The following MMEL1 variants were observed in gnomAD, a reference collection of about 807,000 sequenced individuals.
MMEL1 encodes membrane metallo-endopeptidase-like 1.
MMEL1 carries 98 observed loss-of-function variants against 117.1 expected under a neutral mutation model. The observed-to-expected ratio is 0.84, with a 90% CI of 0.71 to 0.99. The LOEUF is 0.99. Among genes scored for constraint, MMEL1 ranks in the 50% least tolerant of loss-of-function variants. The probability of loss-of-function intolerance (pLI) is 0.00; values close to 1 mark genes in which losing one functional copy is unlikely to be tolerated. For synonymous variants in MMEL1, 390 were observed against 415.1 expected (o/e 0.94, Z 0.74); for missense variants, 1,014 against 1,049.1 (o/e 0.97, Z 0.46).
At chr1:2,600,908 G>A (rs372370976) in intron 11 of MMEL1, among the ~76,000 whole-genome samples, 2 of 152,218 alleles carry the variant, frequency 1.3e-5, no homozygotes, top group African/African-American at 4.8e-5. Flanking sequence ...AATAAAATAT[G>A]TATAAGAACT....
intron 2 of MMEL1, among the ~76,000 whole-genome samples, chr1:2,626,004 A>G (rs1043170307): frequency 6.6e-6 from 1 of 152,166 alleles, no homozygotes; most frequent in Non-Finnish European, 1.5e-5. Context: ...CCACAAGTGG[A>G]CAGCTGCAGC....
rs111970722 is a variant in MMEL1, at chr1:2,604,130, C to G, written c.951+17G>C. The G allele has an allele frequency of 1.5e-5, 23 of 1,508,146 alleles. 1 individual carries two copies. The highest frequency in any genetic ancestry group is 2.0e-5 in the Non-Finnish European group (22 of 1,092,012). The allele number at this position is 1,508,146 out of a possible 1,614,324, so 93.4% of individuals were successfully genotyped here. A position where few individuals can be genotyped will look rare whatever the true frequency, so the allele number is the denominator to read the frequency against. On this transcript the variant is annotated intron_variant, in intron 10 of 23. Coordinates refer to ENST00000378412, the MANE Select transcript of MMEL1 (RefSeq NM_033467.4). ...GCCCACTCGCTGCCCGCTCCCCACC[C>G]GCCCCGGCCCCCTTACCTTGGCCAG...
intron 9 of MMEL1, 54 bp from the exon 10 acceptor site, chr1:2,604,335 AG>A: frequency 6.3e-7 from 1 of 1,597,514 alleles, no homozygotes; most frequent in Non-Finnish European, 8.5e-7. Flanking sequence ...CATGGCCCCC[AG>A]GGAGTTTTCT....
In MMEL1 at chr1:2,595,483, T is replaced by TCACCACAGGACAGGGA; in HGVS notation, c.1501-125_1501-124insTCCCTGTCCTGTGGTG. ...CGGGGCATCCTGGCTGTGCTCTCCC[T>TCACCACAGGACAGGGA]GTCCTGTGGTGAGGGGCTGGGGGGC... On this transcript the variant is annotated intron_variant, in intron 15 of 23. Transcript: ENST00000378412. This position sits in a 1 kb window ranked among gnomAD's most constrained non-coding sequence, Gnocchi z 4.8. 1 of 773,732 alleles carries TCACCACAGGACAGGGA rather than the reference T, an allele frequency of 1.3e-6. No individual in the cohort carries two copies. Among genetic ancestry groups the TCACCACAGGACAGGGA allele is most frequent in the Non-Finnish European group, 2.2e-6 (1 of 453,448 alleles). 47.9% of individuals were successfully genotyped at this position (773,732 alleles called of 1,614,324 possible).
intron 2 of MMEL1, among the ~76,000 whole-genome samples, chr1:2,626,366 C>T (rs1007369203): frequency 2.6e-5 from 4 of 152,184 alleles, no homozygotes; most frequent in Non-Finnish European, 5.9e-5. Context: ...GTTCACAGAC[C>T]AGGTTTATAC....
In MMEL1 at chr1:2,629,468, C is replaced by G. The variant is rs370691154; in HGVS notation, c.17G>C (p.Gly6Ala). The G allele has an allele frequency of 4.0e-4, 604 of 1,522,642 alleles. 7 individuals carry two copies. The African/African-American group carries it at 7.0e-3, about 18-fold the overall frequency. The allele number at this position is 1,522,642 out of a possible 1,614,324, so 94.3% of individuals were successfully genotyped here. The change falls in exon 2 of 24, where the codon GGC becomes GCC. Residue 6 changes from glycine to alanine, a missense_variant. By Grantham distance (60) the Gly-to-Ala change is moderately conservative. Coordinates refer to ENST00000378412, the MANE Select transcript of MMEL1 (RefSeq NM_033467.4). The part of the protein sequence containing the change: MGKSE[G>A]PVGMVESAGR... ...GGCGCTCTCCACCATCCCCACTGGGCCTTCGGACTTCCCCATCAGCAGGGC... is the reference window on the plus strand; with the variant it reads ...GGCGCTCTCCACCATCCCCACTGGGGCTTCGGACTTCCCCATCAGCAGGGC...
At position 2,601,222 on chromosome 1, in the gene MMEL1, T is replaced by A. The variant is rs189980295; in HGVS notation, c.1042-2432A>T. ...TCAAGACATTATAAAGCTGAAGGAG[T>A]GATGGTGGTAGGGGTTATCACTTGG... On this transcript the variant is annotated intron_variant, in intron 11 of 23. Coordinates refer to ENST00000378412, the MANE Select transcript of MMEL1 (RefSeq NM_033467.4). 1.8e-3 allele frequency among the ~76,000 whole-genome samples: 267 copies of A among 151,426 alleles called. 3 individuals carry two copies. Among genetic ancestry groups the A allele is most frequent in the African/African-American group, 6.3e-3 (259 of 41,178 alleles).
In MMEL1 at chr1:2,591,593, G is replaced by C. The variant is rs1166174637; in HGVS notation, c.2204C>G (p.Ser735Cys). The change falls in exon 23 of 24, where the codon TCC (serine) becomes TGC (cysteine). Residue 735 changes from serine (S) to cysteine (C), a missense_variant. Transcript: ENST00000378412. ...GGGACTGTGGACGTCTGTCTTGATG[G>C]ATTGGATGGCGAACTCGGGCCGGTA... ...GSYRPEFAIQ[S>C]IKTDVHSPLK... The C allele has an allele frequency of 3.7e-6, 6 of 1,605,374 alleles. No individual in the cohort carries two copies. The African/African-American group carries it at 6.7e-5, about 18-fold the overall frequency.
chr1:2,626,484 T>G (rs1638290667), intron 2 of MMEL1, among the ~76,000 whole-genome samples: 1 of 152,260 alleles, frequency 6.6e-6, no homozygotes, highest in Admixed American at 6.5e-5. Flanking sequence ...TCAACTTTGC[T>G]GTCCTAGCAG....
intron 13 of MMEL1, among the ~76,000 whole-genome samples, chr1:2,597,993 C>T (rs545738391): frequency 6.6e-6 from 1 of 152,336 alleles, no homozygotes; most frequent in Non-Finnish European, 1.5e-5. Context: ...CCCTCCCTGC[C>T]TCCCCGCCAC....
intron 4 of MMEL1, 36 bp downstream of exon 4, chr1:2,611,245 T>C (rs1307176186): frequency 6.4e-7 from 1 of 1,553,468 alleles, no homozygotes; most frequent in South Asian, 1.2e-5. Context: ...CCCCAGCCCT[T>C]GGGCAGGCTG....
chr1:2,594,727 T>C (rs1644803655), intron 17 of MMEL1, 63 bp downstream of exon 17: 9 of 1,414,012 alleles, frequency 6.4e-6, no homozygotes, highest in African/African-American at 2.8e-5. Context: ...CAGGCAGCCC[T>C]GCACGCCTTA....
At chr1:2,604,394 C>T (rs1644988203) in intron 9 of MMEL1, 113 bp from the exon 10 acceptor site, 2 of 1,422,466 alleles carry the variant, frequency 1.4e-6, no homozygotes, top group Admixed American at 4.2e-5. Flanking sequence ...TAATGCGTGT[C>T]CACCCACCTT....
chr1:2,592,165 C>T (rs964960904), intron 21 of MMEL1, 138 bp from the exon 22 acceptor site: 7 of 681,918 alleles, frequency 1.0e-5, no homozygotes, highest in Non-Finnish European at 1.7e-5. Flanking sequence ...CCTTCACACA[C>T]CCCACGGATG....
chr1:2,591,744 A>G (rs1314603678), intron 22 of MMEL1, 111 bp from the exon 23 acceptor site: 9 of 1,078,700 alleles, frequency 8.3e-6, no homozygotes, highest in African/African-American at 1.6e-5. Context: ...GGGTGAGGGG[A>G]GTCAGCAGGT....
At chr1:2,609,884 G>A in intron 4 of MMEL1, 53 bp from the exon 5 acceptor site, 1 of 1,559,400 alleles carries the variant, frequency 6.4e-7, no homozygotes, top group Non-Finnish European at 8.7e-7. Context: ...GAGAGTTGTG[G>A]ACAGCCCAGA....
Position 2,629,342 on chromosome 1 carries a change from G to C in MMEL1, c.143C>G (p.Ala48Gly). 6.5e-7 allele frequency: 1 copy of C among 1,540,734 alleles called. No individual in the cohort carries two copies. Among genetic ancestry groups the C allele is most frequent in the Non-Finnish European group, 8.7e-7 (1 of 1,145,662 alleles). ...AALVALGVLYADRRGKQLPRL... is the reference protein window; with the variant it reads ...AALVALGVLYGDRRGKQLPRL... ...GCACCCGCACTCACCTCTGCGGTCG[G>C]CGTAGAGGACACCCAAGGCCACCAG... The change falls in exon 2 of 24, where the codon GCC becomes GGC. Residue 48 changes from alanine (A) to glycine (G), a missense_variant. Transcript: ENST00000378412.
chr1:2,599,629 G>A (rs371596082), intron 11 of MMEL1, among the ~76,000 whole-genome samples: 64 of 152,284 alleles, frequency 4.2e-4, no homozygotes, highest in African/African-American at 1.1e-3. Context: ...AGGTCGAGGC[G>A]GGCAGATCAC....
chr1:2,609,489 C>G (rs1281918346), intron 5 of MMEL1, 70 bp from the exon 6 acceptor site: 1 of 1,541,150 alleles, frequency 6.5e-7, no homozygotes. Flanking sequence ...GGTCCCTACA[C>G]CCCCTGAAGT....
Sources: allele counts gnomAD v4.1 joint callset (sites outside exome capture counted in the v4.1 genomes callset), GRCh38; gene constraint gnomAD v4.1.1; non-coding constraint Gnocchi (gnomAD v3.1); transcripts MANE v1.5; gene names NCBI Gene and HGNC (gene_info 2026-07-23, HGNC 2026-07-21).